Variants in ST6GALNAC5 observed in about 807,000 individuals in gnomAD.
ST6GALNAC5 encodes ST6 N-acetylgalactosaminide alpha-2,6-sialyltransferase 5.
Under a neutral mutation model 33.6 loss-of-function variants are expected in ST6GALNAC5, and 27 were observed. That is an observed-to-expected ratio of 0.80 (90% CI 0.59 to 1.11). ST6GALNAC5 has a LOEUF of 1.11. Among genes scored for constraint, ST6GALNAC5 ranks in the 50% least tolerant of loss-of-function variants. The probability of loss-of-function intolerance (pLI) is 0.00; values close to 1 mark genes in which losing one functional copy is unlikely to be tolerated. For missense variants in ST6GALNAC5, 428 were observed against 454.0 expected (o/e 0.94, Z 0.52); for synonymous variants, 194 against 171.2 (o/e 1.13, Z -1.04).
Position 77,044,192 on chromosome 1 carries a change from C to T in ST6GALNAC5, c.262-12C>T, listed in dbSNP as rs760537112. On this transcript the variant is annotated splice_polypyrimidine_tract_variant and intron_variant, in intron 2 of 4. Coordinates refer to ENST00000477717, the MANE Select transcript of ST6GALNAC5 (RefSeq NM_030965.3). The stretch of plus-strand genomic sequence containing the variant: ...TTGCCCCTGACAGTGTCCTTCTCCC[C>T]CTGCCTTCCAGCCCCTGAAAATGCA... 11 of 1,584,036 alleles carry T rather than the reference C, an allele frequency of 6.9e-6. No homozygotes were observed. The highest frequency in any genetic ancestry group is 5.4e-5 in the African/African-American group (4 of 74,488).
Position 77,063,025 on chromosome 1 carries a change from C to T in ST6GALNAC5, c.830C>T (p.Pro277Leu). The T allele has an allele frequency of 6.2e-7, 1 of 1,613,888 alleles. No homozygotes were observed. Among genetic ancestry groups the T allele is most frequent in the African/African-American group, 1.3e-5 (1 of 74,986 alleles). Residue 277 changes from proline (P) to leucine (L), a missense_variant, in exon 5 of 5, where the codon CCT becomes CTT. Physicochemically the swap from Pro to Leu is moderately conservative, Grantham distance 98 (BLOSUM62 -3). Coordinates refer to ENST00000477717, the MANE Select transcript of ST6GALNAC5 (RefSeq NM_030965.3). ...TATCATTATTATGAACCTTTTGGAC[C>T]TGATGAATGTACAATGTACCTCTCC... is the stretch of plus-strand genomic sequence containing the variant. The part of the protein sequence containing the change: ...VPYHYYEPFG[P>L]DECTMYLSHE...
At chr1:76,911,158 G>A (rs1646907535) in intron 2 of ST6GALNAC5, among the ~76,000 whole-genome samples, 1 of 152,116 alleles carries the variant, frequency 6.6e-6, no homozygotes, top group Admixed American at 6.6e-5. Flanking sequence ...ATGAAGTGTT[G>A]TTGAATTTTG....
intron 2 of ST6GALNAC5, among the ~76,000 whole-genome samples, chr1:76,950,624 G>A (rs564543695): frequency 5.3e-5 from 8 of 152,230 alleles, no homozygotes; most frequent in South Asian, 4.1e-4. Flanking sequence ...AGATGGGACC[G>A]ATGTCAGAAG....
chr1:77,032,940 G>A (rs1170736296), intron 2 of ST6GALNAC5, among the ~76,000 whole-genome samples: 9 of 152,208 alleles, frequency 5.9e-5, no homozygotes, highest in Non-Finnish European at 1.3e-4. Context: ...AGAGAAGCCA[G>A]TTTTGTGGAA....
chr1:76,991,837 G>GCA (rs1491339948), intron 2 of ST6GALNAC5, among the ~76,000 whole-genome samples: 114 of 115,284 alleles, frequency 9.9e-4, no homozygotes, highest in African/African-American at 5.7e-3. Flanking sequence ...TCACGCGTGT[G>GCA]CGCACACACA....
At chr1:77,000,175 T>C (rs576916882) in intron 2 of ST6GALNAC5, among the ~76,000 whole-genome samples, 1 of 92,690 alleles carries the variant, frequency 1.1e-5, no homozygotes, top group South Asian at 4.3e-4. Context: ...TTTTTAATGA[T>C]TGCCATTCTA....
intron 2 of ST6GALNAC5, among the ~76,000 whole-genome samples, chr1:76,941,592 A>ACAAT (rs1647338363): frequency 2.6e-5 from 4 of 152,100 alleles, no homozygotes; most frequent in African/African-American, 9.7e-5. Context: ...ACCCAAGTAG[A>ACAAT]CCTGAAATCC....
intron 2 of ST6GALNAC5, among the ~76,000 whole-genome samples, chr1:77,005,787 C>T (rs1008612067): frequency 1.3e-5 from 2 of 152,186 alleles, no homozygotes; most frequent in Non-Finnish European, 2.9e-5. Context: ...ACCTCATATA[C>T]ATGAAATCAT....
intron 2 of ST6GALNAC5, among the ~76,000 whole-genome samples, chr1:76,952,326 A>G (rs1647782063): frequency 6.6e-6 from 1 of 152,034 alleles, no homozygotes; most frequent in African/African-American, 2.4e-5. Flanking sequence ...CCAAGTCTAT[A>G]TGTTGAAGCC....
intron 2 of ST6GALNAC5, among the ~76,000 whole-genome samples, chr1:76,874,816 A>G (rs1653598798): frequency 1.3e-5 from 2 of 152,156 alleles, no homozygotes; most frequent in Non-Finnish European, 2.9e-5. Flanking sequence ...ACTCAGTATT[A>G]ACCATCGCAA....
chr1:76,997,814 C>T (rs1649993830), intron 2 of ST6GALNAC5, among the ~76,000 whole-genome samples: 4 of 152,158 alleles, frequency 2.6e-5, no homozygotes, highest in Admixed American at 2.6e-4. Context: ...ACCTGAGCAA[C>T]ATAGCGAGAC....
At chr1:76,904,252 G>C (rs1376654499) in intron 2 of ST6GALNAC5, among the ~76,000 whole-genome samples, 1 of 152,078 alleles carries the variant, frequency 6.6e-6, no homozygotes, top group Non-Finnish European at 1.5e-5. Flanking sequence ...TAAGGGATCT[G>C]GTCTTTGCAA....
chr1:76,999,903 G>T (rs2100407349), intron 2 of ST6GALNAC5, among the ~76,000 whole-genome samples: 1 of 129,038 alleles, frequency 7.7e-6, no homozygotes, highest in African/African-American at 2.5e-5. Context: ...TTGGACATTT[G>T]GGTTGGTTCC....
At chr1:76,975,365 A>C (rs905627562) in intron 2 of ST6GALNAC5, among the ~76,000 whole-genome samples, 1 of 152,200 alleles carries the variant, frequency 6.6e-6, no homozygotes, top group Non-Finnish European at 1.5e-5. Flanking sequence ...TAAAAGTTAT[A>C]TCTATATATT....
intron 2 of ST6GALNAC5, among the ~76,000 whole-genome samples, chr1:76,895,716 C>A (rs915742636): frequency 6.6e-6 from 1 of 152,124 alleles, no homozygotes; most frequent in Non-Finnish European, 1.5e-5. Flanking sequence ...GCAGTGTAAA[C>A]AAGAGCAGGG....
chr1:76,989,386 T>TTA (rs995333158), intron 2 of ST6GALNAC5, among the ~76,000 whole-genome samples: 8 of 152,138 alleles, frequency 5.3e-5, no homozygotes, highest in Non-Finnish European at 1.0e-4. Flanking sequence ...CATTACTGTG[T>TTA]TATATATCAT....
At chr1:77,030,264 A>T (rs1247143660) in intron 2 of ST6GALNAC5, among the ~76,000 whole-genome samples, 1 of 152,188 alleles carries the variant, frequency 6.6e-6, no homozygotes, top group Non-Finnish European at 1.5e-5. Flanking sequence ...TGGTGGAAAG[A>T]GCAGGCACAC....
intron 2 of ST6GALNAC5, among the ~76,000 whole-genome samples, chr1:76,933,062 T>A (rs1618939): frequency 0.6 from 91,616 of 151,940 alleles, 28,038 homozygotes; most frequent in African/African-American, 0.68. Flanking sequence ...ACACATTATA[T>A]TTCTTAGAGG....
At chr1:76,922,197 A>C (rs1281197714) in intron 2 of ST6GALNAC5, among the ~76,000 whole-genome samples, 1 of 152,220 alleles carries the variant, frequency 6.6e-6, no homozygotes, top group African/African-American at 2.4e-5. Context: ...GCTTAAAGCA[A>C]TTGCATTTCT....
Sources: gnomAD v4.1 joint callset for allele counts (sites outside exome capture counted in the v4.1 genomes callset) on GRCh38, gnomAD v4.1.1 for gene constraint, MANE v1.5 for transcripts, NCBI Gene and HGNC (gene_info 2026-07-23, HGNC 2026-07-21) for gene names.